The following TRIM5 variants were observed in gnomAD, a reference collection of about 807,000 sequenced individuals.
The protein encoded by TRIM5 is tripartite motif-containing protein 5.
Under a neutral mutation model 35.6 loss-of-function variants are expected in TRIM5, and 31 were observed. The ratio of observed to expected loss-of-function variants is 0.87; its 90% CI spans 0.65 to 1.18. The LOEUF (loss-of-function observed/expected upper bound fraction) is 1.18, where lower values mean the gene tolerates loss of function less well. Ranked by LOEUF, TRIM5 falls within the 50% of genes most tolerant of loss-of-function variation. The pLI is 0.00. For missense variants in TRIM5, 609 were observed against 591.6 expected (o/e 1.03, Z -0.31); for synonymous variants, 243 against 215.6 (o/e 1.13, Z -1.11).
intron 5 of TRIM5, 107 bp downstream of exon 5, chr11:5,667,582 T>G (rs1851240365): frequency 8.2e-7 from 1 of 1,212,322 alleles, no homozygotes; most frequent in Non-Finnish European, 1.2e-6. Context: ...TATCGAAATT[T>G]TTCTGCCCTG....
At chr11:5,657,715 T>TA in the TRIM5 span, among the ~76,000 whole-genome samples, 2 of 132,866 alleles carry the variant, frequency 1.5e-5, no homozygotes, top group African/African-American at 2.9e-5. Context: ...TAAATATATA[T>TA]ATATATTATA....
chr11:5,643,734 C>G, the TRIM5 span: 1 of 1,549,248 alleles, frequency 6.5e-7, no homozygotes, highest in Non-Finnish European at 8.7e-7. Context: ...TCACCTACAA[C>G]CCTTTGTCTT....
chr11:5,633,403 ATTT>A, the TRIM5 span, among the ~76,000 whole-genome samples: 1 of 152,022 alleles, frequency 6.6e-6, no homozygotes, highest in South Asian at 2.1e-4. Flanking sequence ...AGAATGAGAA[ATTT>A]TTGTCTTGTT....
downstream of TRIM5, among the ~76,000 whole-genome samples, chr11:5,662,388 T>C (rs1424179247): frequency 6.6e-6 from 1 of 152,202 alleles, no homozygotes; most frequent in Non-Finnish European, 1.5e-5. Context: ...TTCTCCTCAC[T>C]GAACAAGGAG....
At chr11:5,683,407 C>G (rs538908116) in intron 1 of TRIM5, among the ~76,000 whole-genome samples, 3 of 152,178 alleles carry the variant, frequency 2.0e-5, no homozygotes, top group Admixed American at 6.5e-5. Context: ...TTATGTTTAG[C>G]TAAGGGATTG....
the TRIM5 span, among the ~76,000 whole-genome samples, chr11:5,629,191 C>T: frequency 3.3e-5 from 5 of 151,966 alleles, no homozygotes; most frequent in Non-Finnish European, 7.4e-5. Context: ...GCAGGAGAAT[C>T]GCTTGAACCT....
At chr11:5,593,930 C>CT in the TRIM5 span, among the ~76,000 whole-genome samples, 1 of 152,202 alleles carries the variant, frequency 6.6e-6, no homozygotes, top group Non-Finnish European at 1.5e-5. Context: ...CCTTTTAACA[C>CT]TAACAGTATT....
At chr11:5,611,233 G>T in the TRIM5 span, 2 of 1,613,446 alleles carry the variant, frequency 1.2e-6, no homozygotes, top group South Asian at 2.2e-5. Context: ...ACAAACCATG[G>T]CTTCCCCATC....
the TRIM5 span, among the ~76,000 whole-genome samples, chr11:5,655,893 A>G: frequency 4.6e-5 from 7 of 152,238 alleles, no homozygotes; most frequent in Admixed American, 4.6e-4. Context: ...ACCTGACAAA[A>G]GCAATGGGGA....
Position 5,666,048 on chromosome 11 carries a change from A to G in TRIM5, c.801T>C (p.Thr267=). The change falls in exon 6 of 8, where the codon ACT becomes ACC. Residue 267 remains threonine (T), a synonymous_variant. Coordinates refer to ENST00000380034, the MANE Select transcript of TRIM5 (RefSeq NM_033034.3). ...ACACTCTCCTTTGATTTTTTGGAAA[A>G]GTTTCTGGCTTCTTCAAGGTCACGT... ...TENVTLKKPE[T]FPKNQRRVFR... is the part of the protein sequence containing the mutation. 6.2e-7 allele frequency: 1 copy of G among 1,611,464 alleles called. No individual in the cohort carries two copies. The highest frequency in any genetic ancestry group is 8.5e-7 in the Non-Finnish European group (1 of 1,179,082).
rs60100045 is a variant in TRIM5 at position 5,680,712 on chromosome 11, A to G, written c.-61-474T>C. On this transcript the variant is annotated intron_variant, in intron 1 of 7. Coordinates refer to ENST00000380034, the MANE Select transcript of TRIM5 (RefSeq NM_033034.3). ...TCTCTCCTTACATGTTATATTATCAAAAATACCTGCTCTGACTACCTTATG... is the reference window on the plus strand; with the variant it reads ...TCTCTCCTTACATGTTATATTATCAGAAATACCTGCTCTGACTACCTTATG... 4.2e-3 allele frequency among the ~76,000 whole-genome samples: 644 copies of G among 152,312 alleles called. 12 individuals are homozygous for G. The highest frequency in any genetic ancestry group is 0.015 in the African/African-American group (622 of 41,554).
chr11:5,607,038 C>T, the TRIM5 span, among the ~76,000 whole-genome samples: 1 of 152,038 alleles, frequency 6.6e-6, no homozygotes, highest in African/African-American at 2.4e-5. Context: ...CCCGTCTCTA[C>T]TAAAAACACA....
chr11:5,596,567 CA>C, the TRIM5 span: 1 of 132,398 alleles, frequency 7.6e-6, no homozygotes, highest in African/African-American at 2.8e-5. Context: ...TCCCCTCCCC[CA>C]TCTCCAGCCT....
chr11:5,660,802 G>A (rs1447841138), downstream of TRIM5, among the ~76,000 whole-genome samples: 4 of 151,862 alleles, frequency 2.6e-5, no homozygotes, highest in Admixed American at 1.3e-4. Flanking sequence ...CAGCACTTTC[G>A]GAGGCCGAGG....
chr11:5,605,372 A>G, the TRIM5 span: 89 of 1,614,066 alleles, frequency 5.5e-5, no homozygotes, highest in Non-Finnish European at 6.9e-5. Flanking sequence ...GGATCCAGAC[A>G]GAGTTTAATC....
At chr11:5,617,036 T>C in the TRIM5 span, among the ~76,000 whole-genome samples, 2 of 41,498 alleles carry the variant, frequency 4.8e-5, no homozygotes, top group South Asian at 7.3e-4. Flanking sequence ...CACGCCCAGC[T>C]TTTTTTTTTT....
the TRIM5 span, among the ~76,000 whole-genome samples, chr11:5,591,193 ATAAG>A: frequency 6.6e-6 from 1 of 152,242 alleles, no homozygotes; most frequent in African/African-American, 2.4e-5. Flanking sequence ...ATTCATCAAG[ATAAG>A]TAATAAAGGA....
At chr11:5,591,060 C>A in the TRIM5 span, 1 of 159,596 alleles carries the variant, frequency 6.3e-6, no homozygotes, top group South Asian at 2.0e-4. Flanking sequence ...AGAAATAAAT[C>A]AAATGGATAA....
rs780785618 is a variant in TRIM5 at position 5,679,795 on chromosome 11, G to A, written c.383C>T (p.Thr128Met). The change falls in exon 2 of 8, where the codon ACG becomes ATG. Residue 128 changes from threonine to methionine, a missense_variant. Coordinates refer to ENST00000380034, the MANE Select transcript of TRIM5 (RefSeq NM_033034.3). Reference sequence around the variant, plus strand: ...CCGGGCAACCTCCTCTGTGAGGAACGTGTGGTGACCACGGTGCTCCTGAGA... The same window carrying A: ...CCGGGCAACCTCCTCTGTGAGGAACATGTGGTGACCACGGTGCTCCTGAGA... ...ERSQEHRGHH[T>M]FLTEEVAREY... is the part of the protein sequence containing the mutation. 2.2e-5 allele frequency: 36 copies of A among 1,609,418 alleles called. No homozygotes were observed. Among genetic ancestry groups the A allele is most frequent in the South Asian group, 1.2e-4 (11 of 90,388 alleles).
Sources: allele counts gnomAD v4.1 joint callset (sites outside exome capture counted in the v4.1 genomes callset), GRCh38; gene constraint gnomAD v4.1.1; transcripts MANE v1.5; gene names NCBI Gene and HGNC (gene_info 2026-07-23, HGNC 2026-07-21).